RMDN2: variants seen among roughly 807,000 people sequenced by gnomAD.
RMDN2 encodes regulator of microtubule dynamics 2.
In RMDN2, 61 loss-of-function variants were observed where a neutral mutation model predicts 52.8. That is an observed-to-expected ratio of 1.16 (90% CI 0.94 to 1.43). The LOEUF (loss-of-function observed/expected upper bound fraction) is 1.43. Among genes scored for constraint, RMDN2 ranks in the 40% most tolerant of loss-of-function variants. RMDN2 has a pLI of 0.00. For missense variants in RMDN2, 592 were observed against 475.3 expected (o/e 1.25, Z -2.28); for synonymous variants, 180 against 153.1 (o/e 1.18, Z -1.30).
intron 2 of RMDN2, among the ~76,000 whole-genome samples, chr2:37,956,798 C>A (rs1027992960): frequency 5.3e-5 from 8 of 151,996 alleles, no homozygotes; most frequent in African/African-American, 1.9e-4. Flanking sequence ...TAACGCTACC[C>A]CTCCCCTTGC....
intron 10 of RMDN2, chr2:38,028,086 A>G (rs1203370387): frequency 1.3e-5 from 2 of 152,212 alleles, no homozygotes; most frequent in Non-Finnish European, 1.5e-5. Context: ...GTACTTTGCA[A>G]TTGTAATTAA....
chr2:38,062,776 C>CG (rs1478598138), intron 10 of RMDN2, among the ~76,000 whole-genome samples: 7 of 120,714 alleles, frequency 5.8e-5, no homozygotes, highest in Admixed American at 2.6e-4. Context: ...CCTTCCCCCC[C>CG]CCCACAACAG....
At chr2:37,962,759 T>G (rs1356625782) in intron 2 of RMDN2, among the ~76,000 whole-genome samples, 1 of 151,966 alleles carries the variant, frequency 6.6e-6, no homozygotes, top group Non-Finnish European at 1.5e-5. Flanking sequence ...AAAAAAAAAC[T>G]TCTGCAGCTA....
At chr2:38,026,467 T>C (rs1679789492) in intron 10 of RMDN2, among the ~76,000 whole-genome samples, 1 of 152,176 alleles carries the variant, frequency 6.6e-6, no homozygotes, top group African/African-American at 2.4e-5. Flanking sequence ...TCTCTTTTTC[T>C]ATTTTCTATT....
intron 10 of RMDN2, among the ~76,000 whole-genome samples, chr2:38,062,779 C>CCCCCCCG (rs375545948): frequency 7.3e-6 from 1 of 136,496 alleles, no homozygotes; most frequent in Non-Finnish European, 1.6e-5. Context: ...TCCCCCCCCC[C>CCCCCCCG]ACAACAGTCC....
chr2:38,042,402 G>T, intron 10 of RMDN2, among the ~76,000 whole-genome samples: 1 of 96,066 alleles, frequency 1.0e-5, no homozygotes, highest in Non-Finnish European at 1.8e-5. Flanking sequence ...ACCTCCCCCC[G>T]CCACACACAC....
chr2:37,932,994 G>A (rs1249882138), intron 2 of RMDN2, among the ~76,000 whole-genome samples: 47 of 151,712 alleles, frequency 3.1e-4, no homozygotes, highest in Admixed American at 2.2e-3. Context: ...TGGCTGCTGG[G>A]TGGAGGGGCT....
At chr2:38,055,273 C>T (rs1303855416) in intron 10 of RMDN2, among the ~76,000 whole-genome samples, 1 of 151,922 alleles carries the variant, frequency 6.6e-6, no homozygotes, top group Admixed American at 6.6e-5. Context: ...TGTTTTAATT[C>T]CTCCTGTGCA....
At chr2:37,958,787 CTCT>C (rs1669817938) in intron 2 of RMDN2, among the ~76,000 whole-genome samples, 1 of 150,794 alleles carries the variant, frequency 6.6e-6, no homozygotes, top group South Asian at 2.1e-4. Context: ...TCACAAATAG[CTCT>C]TATTATTTTC....
At chr2:38,020,844 C>G (rs949813403), downstream of RMDN2, among the ~76,000 whole-genome samples, 1 of 152,156 alleles carries the variant, frequency 6.6e-6, no homozygotes, top group Admixed American at 6.5e-5. Context: ...AGCGCCACCC[C>G]CTGCTCCACG....
At chr2:38,020,310 C>T (rs1402306708), downstream of RMDN2, among the ~76,000 whole-genome samples, 2 of 152,100 alleles carry the variant, frequency 1.3e-5, no homozygotes, top group Non-Finnish European at 2.9e-5. Flanking sequence ...GACGGGAGAC[C>T]GTGACAGACC....
At chr2:37,947,522 C>G (rs1401839655) in intron 2 of RMDN2, among the ~76,000 whole-genome samples, 4 of 152,094 alleles carry the variant, frequency 2.6e-5, no homozygotes, top group African/African-American at 4.8e-5. Context: ...AAACTACAAA[C>G]AGGGAACTTA....
chr2:37,981,365 A>G, intron 5 of RMDN2, 22 bp downstream of exon 5: 1 of 1,515,062 alleles, frequency 6.6e-7, no homozygotes, highest in Non-Finnish European at 9.1e-7. Context: ...GGATTTATGC[A>G]GTCTTTTAAA....
At chr2:38,025,549 T>C (rs1188082594) in intron 10 of RMDN2, among the ~76,000 whole-genome samples, 2 of 152,150 alleles carry the variant, frequency 1.3e-5, no homozygotes, top group Non-Finnish European at 1.5e-5. Context: ...TTTTAATTTC[T>C]GATCTGAGGG....
chr2:38,015,333 G>A (rs766537980), intron 10 of RMDN2, among the ~76,000 whole-genome samples: 3 of 152,178 alleles, frequency 2.0e-5, no homozygotes, highest in Non-Finnish European at 4.4e-5. Context: ...TTGGGAGGCA[G>A]AGGCGTGCAG....
intron 2 of RMDN2, chr2:37,950,437 A>G: frequency 3.1e-6 from 5 of 1,608,678 alleles, no homozygotes; most frequent in Non-Finnish European, 4.3e-6. Context: ...CTGTCATCAC[A>G]TTCTGTGTTA....
At chr2:38,040,279 A>C (rs745593350) in intron 10 of RMDN2, among the ~76,000 whole-genome samples, 24 of 152,010 alleles carry the variant, frequency 1.6e-4, no homozygotes, top group Non-Finnish European at 3.4e-4. Context: ...ATAGCTGTAT[A>C]GTTAGTTTTT....
At chr2:38,036,500 A>G (rs142388520) in intron 10 of RMDN2, 1 of 152,308 alleles carries the variant, frequency 6.6e-6, no homozygotes, top group African/African-American at 2.4e-5. Context: ...CCCCTCCCCA[A>G]GAGAAATTAA....
At chr2:38,047,387 A>T (rs1165973638) in intron 10 of RMDN2, among the ~76,000 whole-genome samples, 1 of 152,266 alleles carries the variant, frequency 6.6e-6, no homozygotes, top group Non-Finnish European at 1.5e-5. Flanking sequence ...TCAATTAGTG[A>T]CATTAAAAAA....
Sources: allele counts gnomAD v4.1 joint callset (sites outside exome capture counted in the v4.1 genomes callset), GRCh38; gene constraint gnomAD v4.1.1; transcripts MANE v1.5; gene names NCBI Gene and HGNC (gene_info 2026-07-23, HGNC 2026-07-21).